Variants in SPAST observed in about 807,000 individuals in gnomAD.
The protein encoded by SPAST is spastic paraplegia 4 (autosomal dominant; spastin).
A neutral mutation model predicts 76.6 loss-of-function variants in SPAST; 30 were observed. The ratio of observed to expected loss-of-function variants is 0.39; its 90% confidence interval spans 0.29 to 0.53. The LOEUF (loss-of-function observed/expected upper bound fraction) is 0.53, where lower values mean the gene tolerates loss of function less well. Among genes scored for constraint, SPAST ranks in the 20% least tolerant of loss-of-function variants. The probability of loss-of-function intolerance (pLI) is 0.68; values close to 1 mark genes in which losing one functional copy is unlikely to be tolerated. For synonymous variants in SPAST, 305 were observed against 281.0 expected (o/e 1.09, Z -0.86); for missense variants, 717 against 770.5 (o/e 0.93, Z 0.82).
chr2:32,079,014 T>G (rs2148701113), intron 1 of SPAST, among the ~76,000 whole-genome samples: 1 of 152,154 alleles, frequency 6.6e-6, no homozygotes, highest in Non-Finnish European at 1.5e-5. Context: ...ATTTTTATTT[T>G]TATTTTGGTA....
chr2:32,127,389 A>C lies in SPAST; in HGVS notation c.1173+367A>C, dbSNP rs1321070134. On this transcript the variant is annotated intron_variant, in intron 8 of 16. Transcript: ENST00000315285. ...TACCTGGGCCTCCTAAAGTGATGGG[A>C]TTACAGGCATGAGCCACTGCACCTG... The C allele has an allele frequency of 1.5e-5, 4 of 271,502 alleles. No homozygotes were observed. In the Admixed American group the frequency reaches 1.9e-4, roughly 13 times the overall value. 16.8% of individuals were successfully genotyped at this position (271,502 alleles called of 1,614,324 possible).
At chr2:32,065,116 T>C (rs1294171984) in intron 1 of SPAST, among the ~76,000 whole-genome samples, 1 of 151,956 alleles carries the variant, frequency 6.6e-6, no homozygotes, top group East Asian at 1.9e-4. Flanking sequence ...GACTCCCTGG[T>C]TCCAGCGATT....
chr2:32,097,595 A>G (rs1677966618), intron 3 of SPAST, among the ~76,000 whole-genome samples: 1 of 150,942 alleles, frequency 6.6e-6, no homozygotes, highest in African/African-American at 2.4e-5. Context: ...ACATATGTTA[A>G]TGTGGCCAAA....
chr2:32,119,460 C>A (rs1334256680), intron 7 of SPAST, among the ~76,000 whole-genome samples: 1 of 152,064 alleles, frequency 6.6e-6, no homozygotes, highest in African/African-American at 2.4e-5. Context: ...AACACAGAAT[C>A]ATAATTAGTC....
At chr2:32,122,940 C>A (rs745957685) in intron 7 of SPAST, among the ~76,000 whole-genome samples, 16 of 151,916 alleles carry the variant, frequency 1.1e-4, no homozygotes, top group Admixed American at 3.9e-4. Flanking sequence ...TTTTATCTAC[C>A]AGCAGTGAAC....
chr2:32,127,316 C>T, intron 8 of SPAST: 2 of 378,878 alleles, frequency 5.3e-6, no homozygotes. Flanking sequence ...CAGGATTTCG[C>T]CATGTTGGCC....
chr2:32,110,654 G>T (rs1383032294), intron 4 of SPAST, among the ~76,000 whole-genome samples: 2 of 134,552 alleles, frequency 1.5e-5, no homozygotes, highest in Non-Finnish European at 3.1e-5. Context: ...AGTATATATA[G>T]TATAGTATAT....
At position 32,081,121 on chromosome 2, in the gene SPAST, G is replaced by T. The variant is rs892333393; in HGVS notation, c.416-6371G>T. The stretch of plus-strand genomic sequence containing the variant: ...CAACAGGCGTGCGCCACCACGCCTA[G>T]CTAATTTTTCTGTTTTTAGTAGAGA... On this transcript the variant is annotated intron_variant, in intron 1 of 16. Coordinates refer to ENST00000315285, the MANE Select transcript of SPAST (RefSeq NM_014946.4). Among the ~76,000 whole-genome samples, 7 of 152,168 alleles carry T rather than the reference G, an allele frequency of 4.6e-5. No homozygotes were observed. In the East Asian group the frequency reaches 1.4e-3, roughly 29 times the overall value.
chr2:32,102,020 T>C (rs1346245385), intron 4 of SPAST, among the ~76,000 whole-genome samples: 2 of 152,166 alleles, frequency 1.3e-5, no homozygotes, highest in African/African-American at 4.8e-5. Flanking sequence ...AGAAAGTCAT[T>C]TGTAGCTTGA....
At chr2:32,115,023 A>G (rs1415288199) in intron 5 of SPAST, among the ~76,000 whole-genome samples, 198 bp downstream of exon 5, 1 of 141,994 alleles carries the variant, frequency 7.0e-6, no homozygotes, top group Non-Finnish European at 1.5e-5. Context: ...ATCTCGGCTC[A>G]TTGCAACCTC....
intron 4 of SPAST, among the ~76,000 whole-genome samples, chr2:32,101,394 T>C (rs954938455): frequency 1.5e-4 from 23 of 152,220 alleles, no homozygotes; most frequent in Non-Finnish European, 2.9e-4. Context: ...TGCAAAAATT[T>C]TCTCCCATTC....
At chr2:32,081,302 G>T (rs1462658584) in intron 1 of SPAST, among the ~76,000 whole-genome samples, 3 of 150,380 alleles carry the variant, frequency 2.0e-5, no homozygotes, top group African/African-American at 4.9e-5. Flanking sequence ...CACTGTATTA[G>T]CCAGAATGGT....
intron 4 of SPAST, among the ~76,000 whole-genome samples, chr2:32,104,462 A>T (rs1429613565): frequency 6.6e-6 from 1 of 152,062 alleles, no homozygotes; most frequent in African/African-American, 2.4e-5. Flanking sequence ...TTTAAGGTTA[A>T]TATTGTTATG....
chr2:32,094,240 A>G (rs1677836072), intron 3 of SPAST, among the ~76,000 whole-genome samples: 1 of 151,982 alleles, frequency 6.6e-6, no homozygotes, highest in Non-Finnish European at 1.5e-5. Context: ...TTTTTTTGAG[A>G]CGGAGTCTTG....
At chr2:32,110,564 A>G (rs1253030857) in intron 4 of SPAST, among the ~76,000 whole-genome samples, 2 of 130,262 alleles carry the variant, frequency 1.5e-5, no homozygotes, top group Non-Finnish European at 3.1e-5. Context: ...TATAGTGTGT[A>G]TATATAGTAT....
At chr2:32,096,249 A>G (rs955323734) in intron 3 of SPAST, among the ~76,000 whole-genome samples, 17 of 152,242 alleles carry the variant, frequency 1.1e-4, no homozygotes. Context: ...AGTCTGGCCA[A>G]CATGGCAAAA....
intron 15 of SPAST, among the ~76,000 whole-genome samples, chr2:32,145,403 C>G (rs1044083888): frequency 6.6e-6 from 1 of 152,154 alleles, no homozygotes; most frequent in Non-Finnish European, 1.5e-5. Flanking sequence ...AGCCTTAAAA[C>G]CATTCTTAGC....
chr2:32,150,239 A>ATTTTTTTT (rs11363493), intron 16 of SPAST, among the ~76,000 whole-genome samples: 740 of 66,232 alleles, frequency 0.011, no homozygotes, highest in Non-Finnish European at 0.013. Context: ...CGCCCAGCTA[A>ATTTTTTTT]TTTTTTTTTT....
intron 2 of SPAST, among the ~76,000 whole-genome samples, chr2:32,089,039 A>G (rs1236476051): frequency 6.6e-6 from 1 of 151,944 alleles, no homozygotes; most frequent in Non-Finnish European, 1.5e-5. Flanking sequence ...ATCATGAGAA[A>G]CTGTAACTAT....
Sources: allele counts gnomAD v4.1 joint callset (sites outside exome capture counted in the v4.1 genomes callset), GRCh38; gene constraint gnomAD v4.1.1; transcripts MANE v1.5; gene names NCBI Gene and HGNC (gene_info 2026-07-23, HGNC 2026-07-21).